Variants in PHKA2 observed in about 807,000 individuals in gnomAD.
PHKA2 encodes the protein phosphorylase b kinase regulatory subunit alpha, liver isoform.
Under a neutral mutation model 102.0 loss-of-function variants are expected in PHKA2, and 31 were observed. The ratio of observed to expected loss-of-function variants is 0.30; its 90% CI spans 0.23 to 0.41. The LOEUF is 0.41. PHKA2 is among the 10% of genes least tolerant of loss of function. The pLI, the probability that PHKA2 is intolerant of heterozygous loss-of-function variation, is 1.00. For missense variants in PHKA2, 858 were observed against 1,023.1 expected, an observed-to-expected ratio of 0.84 and a Z score of 2.20; for synonymous variants, 455 against 416.2, an observed-to-expected ratio of 1.09 and a Z score of -1.13.
At chrX:18,896,791 C>T (rs34504094) in intron 30 of PHKA2, among the ~76,000 whole-genome samples, 116 of 111,957 alleles carry the variant, frequency 1.0e-3, no homozygotes, top group Non-Finnish European at 1.8e-3. Flanking sequence ...TCCTAAAATA[C>T]GTCCAAGTTG....
At chrX:18,908,157 T>C in intron 21 of PHKA2, 101 bp from the exon 22 acceptor site, 1 of 806,713 alleles carries the variant, frequency 1.2e-6, no homozygotes, top group East Asian at 3.1e-5. Flanking sequence ...GCTCTCCCAG[T>C]GCCCCTGAGT....
intron 19 of PHKA2, 152 bp downstream of exon 19, chrX:18,918,529 G>C: frequency 2.0e-6 from 1 of 505,996 alleles, no homozygotes; most frequent in Non-Finnish European, 3.5e-6. Flanking sequence ...CCAGAAGAAA[G>C]AGCTAAAAGA....
Position 18,954,273 on chromosome X carries a change from T to C in PHKA2, c.218A>G (p.Lys73Arg), listed in dbSNP as rs1432665300. ...TATTACCTGCTCCAGCTCGTAGGCC[T>C]TGGCCTTGTCCTCATCGCGGTCTGC... Reference protein sequence around the residue: ...KNADRDEDKAKAYELEQNVVK... With the variant: ...KNADRDEDKARAYELEQNVVK... The change falls in exon 2 of 33, where the codon AAG (lysine) becomes AGG (arginine). Residue 73 changes from lysine to arginine, a missense_variant. Lys to Arg is a conservative substitution (Grantham distance 26). Coordinates refer to ENST00000379942, the MANE Select transcript of PHKA2 (RefSeq NM_000292.3). The C allele has an allele frequency of 1.7e-6, 2 of 1,211,900 alleles. No individual in the cohort carries two copies. The highest frequency in any genetic ancestry group is 3.5e-5 in the South Asian group (2 of 57,017).
chrX:18,965,622 G>A (rs2048929845), intron 1 of PHKA2, among the ~76,000 whole-genome samples: 1 of 110,394 alleles, frequency 9.1e-6, no homozygotes, highest in South Asian at 3.9e-4. Context: ...CAGGGACACG[G>A]AAGGCTACGA....
Position 18,895,169 on chromosome X carries a change from C to T in PHKA2, c.3305G>A (p.Gly1102Asp). 8.3e-7 allele frequency: 1 copy of T among 1,211,292 alleles called. No individual in the cohort carries two copies. The highest frequency in any genetic ancestry group is 1.1e-6 in the Non-Finnish European group (1 of 895,046). Reference protein sequence around the residue: ...LQKCHGLSIDGYVLPSSTTRE... With the variant: ...LQKCHGLSIDDYVLPSSTTRE... ...GGTCGTCGAGGATGGGAGGACATAACCATCGATGGAGAGACCGTGGCACTG... is the reference window on the plus strand; with the variant it reads ...GGTCGTCGAGGATGGGAGGACATAATCATCGATGGAGAGACCGTGGCACTG... Residue 1102 changes from glycine (G) to aspartate (D), a missense_variant, in exon 31 of 33, where the codon GGT (glycine) becomes GAT (aspartate). Coordinates refer to ENST00000379942, the MANE Select transcript of PHKA2 (RefSeq NM_000292.3).
intron 26 of PHKA2, among the ~76,000 whole-genome samples, chrX:18,903,387 G>C (rs946749799): frequency 8.9e-6 from 1 of 112,273 alleles, no homozygotes; most frequent in African/African-American, 3.2e-5. Context: ...TGTGACTCTC[G>C]GAATGCCCCT....
At chrX:18,950,190 C>T (rs1303283577) in intron 4 of PHKA2, among the ~76,000 whole-genome samples, 4 of 111,893 alleles carry the variant, frequency 3.6e-5, no homozygotes, top group African/African-American at 1.3e-4. Flanking sequence ...ACTCAGCCCG[C>T]TGAGTAGCGG....
Position 18,931,679 on chromosome X carries a change from C to A in PHKA2, c.1207G>T (p.Gly403Cys). ...VPMGKVPHLW[G>C]QSLYILSSLL... ...GAGCTGAGGATGTACAAGGATTGGC[C>A]CCACAGATGAGGCACCTTCCCCATA... is the stretch of plus-strand genomic sequence containing the variant. Residue 403 changes from glycine to cysteine, a missense_variant, in exon 12 of 33, where the codon GGC (glycine) becomes TGC (cysteine). Gly to Cys is a radical substitution (Grantham distance 159). Transcript: ENST00000379942. The A allele has an allele frequency of 2.5e-6, 3 of 1,207,286 alleles. No individual in the cohort carries two copies. The highest frequency in any genetic ancestry group is 3.4e-6 in the Non-Finnish European group (3 of 891,511).
intron 29 of PHKA2, chrX:18,898,225 G>C (rs963377010): frequency 8.9e-6 from 1 of 112,723 alleles, no homozygotes; most frequent in Admixed American, 9.3e-5. Context: ...TGAGGGAAGA[G>C]GGCGCCATCT....
intron 1 of PHKA2, among the ~76,000 whole-genome samples, chrX:18,972,924 C>T (rs2049035394): frequency 8.9e-6 from 1 of 112,413 alleles, no homozygotes; most frequent in Non-Finnish European, 1.9e-5. Flanking sequence ...TTCCCCAATA[C>T]ATTACTTACG....
intron 1 of PHKA2, among the ~76,000 whole-genome samples, chrX:18,961,559 G>A (rs940156128): frequency 9.4e-6 from 1 of 106,008 alleles, no homozygotes; most frequent in Non-Finnish European, 1.9e-5. Flanking sequence ...TCAGGAGGCT[G>A]AGGCAGGATA....
chrX:18,903,069 G>C (rs1381853542), intron 26 of PHKA2, among the ~76,000 whole-genome samples: 1 of 111,955 alleles, frequency 8.9e-6, no homozygotes, highest in Non-Finnish European at 1.9e-5. Context: ...CTATGACTGT[G>C]TATGTTTTTA....
chrX:18,967,381 G>A (rs749159599), intron 1 of PHKA2, among the ~76,000 whole-genome samples: 1 of 111,614 alleles, frequency 9.0e-6, no homozygotes, highest in Admixed American at 9.5e-5. Context: ...AAGGCTGCAA[G>A]AGGAAAGTAG....
intron 17 of PHKA2, among the ~76,000 whole-genome samples, chrX:18,921,542 C>A (rs1220242085): frequency 1.8e-5 from 2 of 112,335 alleles, no homozygotes; most frequent in Non-Finnish European, 3.8e-5. Flanking sequence ...ATAGTTATAA[C>A]TCCTATATGT....
At position 18,897,286 on chromosome X, in the gene PHKA2, C is replaced by T. The variant is rs766231884; in HGVS notation, c.3159G>A (p.Ser1053=). 3.3e-6 allele frequency: 4 copies of T among 1,209,199 alleles called. No homozygotes were observed. The highest frequency in any genetic ancestry group is 2.2e-5 in the Admixed American group (1 of 45,794). The change falls in exon 30 of 33, where the codon TCG becomes TCA. Residue 1053 remains serine, a synonymous_variant. Coordinates refer to ENST00000379942, the MANE Select transcript of PHKA2 (RefSeq NM_000292.3). ...CACCCCAGCCGATGTGATGTCCTCC[C>T]GAGTCTGAGGATGACGTGCCAGTGG... The part of the protein sequence containing the change: ...SSPTGTSSSD[S]GGHHIGWGER...
chrX:18,948,640 A>G, intron 5 of PHKA2, 104 bp downstream of exon 5: 1 of 558,116 alleles, frequency 1.8e-6, no homozygotes, highest in South Asian at 2.2e-5. Context: ...AGTCTCGCTA[A>G]CCTTTTGGTG....
chrX:18,978,434 C>T (rs944740741), intron 1 of PHKA2, among the ~76,000 whole-genome samples: 2 of 112,056 alleles, frequency 1.8e-5, no homozygotes, highest in African/African-American at 6.5e-5. Context: ...ATTCCAGAGG[C>T]CTGGCGCGGT....
intron 1 of PHKA2, among the ~76,000 whole-genome samples, chrX:18,958,850 C>T (rs2048823600): frequency 9.0e-6 from 1 of 111,288 alleles, no homozygotes; most frequent in South Asian, 3.8e-4. Flanking sequence ...GCTGGGATTA[C>T]AGGCACATGC....
chrX:18,982,989 G>C (rs756776684), intron 1 of PHKA2, among the ~76,000 whole-genome samples: 1 of 112,391 alleles, frequency 8.9e-6, no homozygotes, highest in Non-Finnish European at 1.9e-5. Flanking sequence ...TATTTCCTAA[G>C]TGAGGAAACA....
Sources: gnomAD v4.1 joint callset for allele counts (sites outside exome capture counted in the v4.1 genomes callset) on GRCh38, gnomAD v4.1.1 for gene constraint, MANE v1.5 for transcripts, NCBI Gene and HGNC (gene_info 2026-07-23, HGNC 2026-07-21) for gene names.